NEGR1: variants seen among roughly 807,000 people sequenced by gnomAD.
The protein encoded by NEGR1 is IgLON family member 4.
Under a neutral mutation model 40.9 loss-of-function variants are expected in NEGR1, and 10 were observed. The ratio of observed to expected loss-of-function variants is 0.24; its 90% confidence interval spans 0.15 to 0.42. The LOEUF (loss-of-function observed/expected upper bound fraction) is 0.42. Among genes scored for constraint, NEGR1 ranks in the 10% least tolerant of loss-of-function variants. NEGR1 has a pLI of 1.00. For missense variants in NEGR1, 352 were observed against 438.9 expected (o/e 0.80, Z 1.77); for synonymous variants, 185 against 166.8 (o/e 1.11, Z -0.84).
chr1:72,104,546 G>C (rs1232613549), intron 1 of NEGR1, among the ~76,000 whole-genome samples: 2 of 152,032 alleles, frequency 1.3e-5, no homozygotes, highest in Non-Finnish European at 2.9e-5. Context: ...CTTTGAGCCT[G>C]ATTTTGAACC....
At chr1:71,976,475 G>C (rs1195552996) in intron 1 of NEGR1, among the ~76,000 whole-genome samples, 3 of 152,194 alleles carry the variant, frequency 2.0e-5, no homozygotes, top group Non-Finnish European at 4.4e-5. Context: ...TTCAGATGCA[G>C]GGTTTCCATT....
At chr1:72,140,746 C>T (rs1381167877) in intron 1 of NEGR1, among the ~76,000 whole-genome samples, 1 of 151,890 alleles carries the variant, frequency 6.6e-6, no homozygotes, top group Admixed American at 6.6e-5. Flanking sequence ...GAAGAATATA[C>T]TCAAAATTAT....
intron 1 of NEGR1, among the ~76,000 whole-genome samples, chr1:72,144,182 T>C (rs1336833277): frequency 6.6e-6 from 1 of 151,414 alleles, no homozygotes; most frequent in Non-Finnish European, 1.5e-5. Flanking sequence ...AAGATCTTTA[T>C]GTTCATTCTA....
At chr1:71,582,411 T>C (rs1387194354) in intron 6 of NEGR1, among the ~76,000 whole-genome samples, 1 of 152,226 alleles carries the variant, frequency 6.6e-6, no homozygotes, top group African/African-American at 2.4e-5. Context: ...TTTTGCTTCA[T>C]AACCATATAT....
At chr1:72,037,077 T>A (rs1646910008) in intron 1 of NEGR1, among the ~76,000 whole-genome samples, 3 of 152,154 alleles carry the variant, frequency 2.0e-5, no homozygotes, top group Non-Finnish European at 4.4e-5. Context: ...TATGAGAACA[T>A]CCTATGACTT....
At chr1:71,811,858 ATTTAT>A (rs71074806) in intron 2 of NEGR1, among the ~76,000 whole-genome samples, 14,685 of 137,430 alleles carry the variant, frequency 0.11, 848 homozygotes, top group African/African-American at 0.16. Flanking sequence ...AGTTCTATTT[ATTTAT>A]TTTATTTTAT....
intron 6 of NEGR1, among the ~76,000 whole-genome samples, chr1:71,510,877 C>A: frequency 6.6e-6 from 1 of 152,086 alleles, no homozygotes; most frequent in Non-Finnish European, 1.5e-5. Context: ...AGTCAGAGAA[C>A]AAATATTTTG....
chr1:71,688,783 T>C (rs1391316981), intron 4 of NEGR1, among the ~76,000 whole-genome samples: 3 of 152,172 alleles, frequency 2.0e-5, no homozygotes, highest in Non-Finnish European at 4.4e-5. Flanking sequence ...AAAATGCTAC[T>C]TTCTGATACT....
At chr1:71,801,919 G>A (rs564892111) in intron 2 of NEGR1, among the ~76,000 whole-genome samples, 35 of 152,216 alleles carry the variant, frequency 2.3e-4, no homozygotes, top group African/African-American at 6.3e-4. Context: ...CATATATATC[G>A]TTACCATAAT....
chr1:72,281,874 C>G (rs1656266995), intron 1 of NEGR1, among the ~76,000 whole-genome samples: 1 of 152,002 alleles, frequency 6.6e-6, no homozygotes, highest in Non-Finnish European at 1.5e-5. Context: ...AGAAATCGAG[C>G]CTAAGTGTCC....
chr1:72,143,123 T>C (rs952053897), intron 1 of NEGR1, among the ~76,000 whole-genome samples: 2 of 152,016 alleles, frequency 1.3e-5, no homozygotes, highest in Non-Finnish European at 2.9e-5. Context: ...TTCTCTGTTT[T>C]GGCAGTAAAA....
rs185635206 is a variant in NEGR1 at position 71,575,511 on chromosome 1, C to T, written c.940+17306G>A. On this transcript the variant is annotated intron_variant, in intron 6 of 6. Coordinates refer to ENST00000357731, the MANE Select transcript of NEGR1 (RefSeq NM_173808.3). ...CTTAAAAATCTTTCCCAGTTGGGCA[C>T]GGTGGCTCATGCCTGTAATCCCAGT... Among the ~76,000 whole-genome samples, 101 of 152,318 alleles carry T rather than the reference C, an allele frequency of 6.6e-4. 1 individual carries two copies. In the East Asian group the frequency reaches 0.011, roughly 16 times the overall value.
chr1:71,827,371 T>G, intron 2 of NEGR1, among the ~76,000 whole-genome samples: 1 of 151,816 alleles, frequency 6.6e-6, no homozygotes, highest in East Asian at 1.9e-4. Context: ...GCCAAGTAAA[T>G]TAAAGGGTCT....
chr1:72,132,881 AT>A (rs927320733), intron 1 of NEGR1, among the ~76,000 whole-genome samples: 20 of 151,882 alleles, frequency 1.3e-4, no homozygotes, highest in Admixed American at 4.6e-4. Context: ...GAGTTGAATG[AT>A]TTTTTTTCCA....
At chr1:72,098,819 A>G (rs1005355354) in intron 1 of NEGR1, among the ~76,000 whole-genome samples, 1 of 152,146 alleles carries the variant, frequency 6.6e-6, no homozygotes, top group Non-Finnish European at 1.5e-5. Flanking sequence ...TTTTTGGACT[A>G]TAAAAATTTT....
intron 1 of NEGR1, among the ~76,000 whole-genome samples, chr1:72,167,457 TAA>T (rs1423537077): frequency 2.6e-5 from 4 of 152,110 alleles, no homozygotes; most frequent in Non-Finnish European, 5.9e-5. Flanking sequence ...ATAACTTTTA[TAA>T]ACTTAATAAA....
chr1:72,160,446 T>C (rs1477048349), intron 1 of NEGR1, among the ~76,000 whole-genome samples: 1 of 152,142 alleles, frequency 6.6e-6, no homozygotes, highest in African/African-American at 2.4e-5. Flanking sequence ...AAAAGGATAT[T>C]ATATTTCAGG....
chr1:72,113,039 AT>A, intron 1 of NEGR1, among the ~76,000 whole-genome samples: 1 of 151,844 alleles, frequency 6.6e-6, no homozygotes, highest in Non-Finnish European at 1.5e-5. Context: ...ATTTAAATTT[AT>A]TTATTCTCCA....
chr1:72,116,441 C>T (rs954437322), intron 1 of NEGR1, among the ~76,000 whole-genome samples: 10 of 151,702 alleles, frequency 6.6e-5, no homozygotes, highest in Non-Finnish European at 1.2e-4. Context: ...TGCAAACTTA[C>T]ATTTAGCACT....
Sources: gnomAD v4.1 joint callset for allele counts (sites outside exome capture counted in the v4.1 genomes callset) on GRCh38, gnomAD v4.1.1 for gene constraint, MANE v1.5 for transcripts, NCBI Gene and HGNC (gene_info 2026-07-23, HGNC 2026-07-21) for gene names.